KANSL1: variants seen among roughly 807,000 people sequenced by gnomAD.
KANSL1 encodes the protein KAT8 regulatory NSL complex subunit 1, also known as MLL1/MLL complex subunit KANSL1.
Under a neutral mutation model 103.6 loss-of-function variants are expected in KANSL1, and 22 were observed. The ratio of observed to expected loss-of-function variants is 0.21; its 90% confidence interval spans 0.15 to 0.30. KANSL1 has a LOEUF of 0.30. Ranked by LOEUF, KANSL1 falls within the 10% of genes least tolerant of loss-of-function variation. The probability of loss-of-function intolerance (pLI) is 1.00; values close to 1 mark genes in which losing one functional copy is unlikely to be tolerated. For synonymous variants in KANSL1, 600 were observed against 527.6 expected, an observed-to-expected ratio of 1.14 and a Z score of -1.88; for missense variants, 1,337 against 1,399.8, an observed-to-expected ratio of 0.96 and a Z score of 0.72.
chr17:46,188,341 T>C (rs987203379), intron 1 of KANSL1, among the ~76,000 whole-genome samples: 1 of 152,396 alleles, frequency 6.6e-6, no homozygotes, highest in East Asian at 1.9e-4. Context: ...GGGAAACTTA[T>C]CTTGTCATAT....
chr17:46,128,133 C>A (rs753962582), intron 2 of KANSL1, among the ~76,000 whole-genome samples: 1 of 152,076 alleles, frequency 6.6e-6, no homozygotes, highest in Non-Finnish European at 1.5e-5. Context: ...TAATTCTTAA[C>A]ATGTCCCACA....
chr17:46,066,477 TA>T, intron 6 of KANSL1, 59 bp downstream of exon 6: 2 of 1,441,220 alleles, frequency 1.4e-6, no homozygotes, highest in East Asian at 4.6e-5. Flanking sequence ...GGCAAGAGAC[TA>T]ACTCTATCTG....
chr17:46,080,244 T>C (rs140201858), intron 4 of KANSL1, among the ~76,000 whole-genome samples: 10 of 147,206 alleles, frequency 6.8e-5, no homozygotes, highest in Admixed American at 5.5e-4. Flanking sequence ...GTCCAGGAGT[T>C]TGAGGCTGAA....
chr17:46,066,221 A>AG (rs1258587147), intron 6 of KANSL1, among the ~76,000 whole-genome samples: 1 of 152,194 alleles, frequency 6.6e-6, no homozygotes, highest in East Asian at 1.9e-4. Flanking sequence ...TGAAGGTGAG[A>AG]GGGCACACTA....
chr17:46,174,727 T>G (rs548675871), intron 1 of KANSL1, among the ~76,000 whole-genome samples: 5 of 152,308 alleles, frequency 3.3e-5, no homozygotes, highest in Admixed American at 2.0e-4. Flanking sequence ...CAAGCTAGAG[T>G]GCAGCGGCAC....
chr17:46,050,694 T>G lies in KANSL1; in HGVS notation c.1859A>C (p.Asn620Thr), dbSNP rs200979425. Residue 620 changes from asparagine (N) to threonine (T), a missense_variant, in exon 7 of 15, where the codon AAC becomes ACC. Asn to Thr is a moderately conservative substitution (Grantham distance 65). Transcript: ENST00000432791. The part of the protein sequence containing the change: ...IVPLSKKVHR[N>T]STIRPGCDVN... Reference sequence around the variant, plus strand: ...ATCACAGCCAGGGCGGATTGTGCTGTTCCGGTGAACCTGTGAAAAAAGCCA... The same window carrying G: ...ATCACAGCCAGGGCGGATTGTGCTGGTCCGGTGAACCTGTGAAAAAAGCCA... 6 of 1,610,924 alleles carry G rather than the reference T, an allele frequency of 3.7e-6. No homozygotes were observed. The Admixed American group carries it at 5.0e-5, about 13-fold the overall frequency.
chr17:46,179,667 C>T (rs2046688872), intron 1 of KANSL1, among the ~76,000 whole-genome samples: 1 of 152,154 alleles, frequency 6.6e-6, no homozygotes, highest in Non-Finnish European at 1.5e-5. Flanking sequence ...TGTCATTATG[C>T]AAAAGGCTAG....
chr17:46,125,751 T>C (rs773641599), intron 2 of KANSL1, among the ~76,000 whole-genome samples: 1 of 152,210 alleles, frequency 6.6e-6, no homozygotes, highest in Non-Finnish European at 1.5e-5. Flanking sequence ...GATCAATTAG[T>C]GTGATTATGT....
chr17:46,200,671 G>A (rs1312352267), intron 1 of KANSL1, among the ~76,000 whole-genome samples: 1 of 152,206 alleles, frequency 6.6e-6, no homozygotes, highest in Non-Finnish European at 1.5e-5. Flanking sequence ...GAACCTGGGA[G>A]GCGGAGCTTG....
At chr17:46,057,880 C>T (rs2077989562) in intron 6 of KANSL1, among the ~76,000 whole-genome samples, 1 of 152,172 alleles carries the variant, frequency 6.6e-6, no homozygotes, top group African/African-American at 2.4e-5. Context: ...CTGCTTCTAG[C>T]AGAGTAATAG....
chr17:46,117,028 T>C (rs962080365), intron 2 of KANSL1, among the ~76,000 whole-genome samples: 3 of 152,208 alleles, frequency 2.0e-5, no homozygotes, highest in African/African-American at 4.8e-5. Context: ...TGAGGGAATG[T>C]TTTTAAAAAG....
intron 6 of KANSL1, among the ~76,000 whole-genome samples, chr17:46,058,900 A>G (rs1351297005): frequency 6.6e-6 from 1 of 152,054 alleles, no homozygotes. Context: ...AAAAACACAA[A>G]AATTAGCTAG....
intron 7 of KANSL1, among the ~76,000 whole-genome samples, chr17:46,048,783 GAT>G (rs2077603140): frequency 6.6e-6 from 1 of 151,992 alleles, no homozygotes; most frequent in Non-Finnish European, 1.5e-5. Context: ...CATAATTTCA[GAT>G]AGTTGTAAAG....
Position 46,193,001 on chromosome 17 carries a change from G to A in KANSL1, c.-268C>T, listed in dbSNP as rs912090439. On this transcript the variant is annotated 5_prime_UTR_variant, in exon 1 of 15. Transcript: ENST00000432791. The stretch of plus-strand genomic sequence containing the variant: ...GCCCGGAGCCGCCCTGACTTTCCGG[G>A]CGGGGGGGCGAGGCAGAGGGGGAGG... The A allele has an allele frequency of 2.0e-5, 3 of 152,162 alleles. No homozygotes were observed. The highest frequency in any genetic ancestry group is 4.4e-5 in the Non-Finnish European group (3 of 68,278). The allele number at this position is 152,162 out of a possible 1,614,324, so 9.4% of individuals were successfully genotyped here.
upstream of KANSL1, chr17:46,193,461 G>C (rs1597939960): frequency 6.6e-6 from 1 of 152,006 alleles, no homozygotes; most frequent in Non-Finnish European, 1.5e-5. Flanking sequence ...GAGCGCCGGG[G>C]ACACGGGGAG....
intron 2 of KANSL1, among the ~76,000 whole-genome samples, chr17:46,116,161 TAA>T (rs1283423566): frequency 1.3e-5 from 2 of 152,180 alleles, no homozygotes; most frequent in African/African-American, 4.8e-5. Flanking sequence ...TCACAAAAAT[TAA>T]AGTTAGTTAT....
intron 1 of KANSL1, among the ~76,000 whole-genome samples, chr17:46,219,572 GCC>G (rs1157674970): frequency 1.3e-5 from 2 of 152,194 alleles, no homozygotes; most frequent in Non-Finnish European, 2.9e-5. Context: ...TTGCCATGTT[GCC>G]CAGGCTGTTC....
intron 2 of KANSL1, among the ~76,000 whole-genome samples, chr17:46,132,947 A>G (rs2043941199): frequency 6.6e-6 from 1 of 152,220 alleles, no homozygotes; most frequent in South Asian, 2.1e-4. Context: ...GTGTCTCGAA[A>G]AAAACAAAAG....
intron 2 of KANSL1, among the ~76,000 whole-genome samples, chr17:46,139,561 C>T (rs1229109312): frequency 6.6e-6 from 1 of 152,214 alleles, no homozygotes; most frequent in Non-Finnish European, 1.5e-5. Context: ...GCAGAGGAAA[C>T]CCAGCCTTTG....
Sources: allele counts gnomAD v4.1 joint callset (sites outside exome capture counted in the v4.1 genomes callset), GRCh38; gene constraint gnomAD v4.1.1; transcripts MANE v1.5; gene names NCBI Gene and HGNC (gene_info 2026-07-23, HGNC 2026-07-21).